Variants in KCNIP4 observed in about 807,000 individuals in gnomAD.
The protein encoded by KCNIP4 is potassium voltage-gated channel interacting protein 4, also known as Kv channel-interacting protein 4.
A neutral mutation model predicts 34.0 loss-of-function variants in KCNIP4; 12 were observed. The observed-to-expected ratio is 0.35, with a 90% CI of 0.23 to 0.57. The LOEUF is 0.57. KCNIP4 is among the 20% of genes least tolerant of loss of function. The pLI, the probability that KCNIP4 is intolerant of heterozygous loss-of-function variation, is 0.83. For synonymous variants in KCNIP4, 124 were observed against 102.2 expected, an observed-to-expected ratio of 1.21 and a Z score of -1.29; for missense variants, 238 against 311.7, an observed-to-expected ratio of 0.76 and a Z score of 1.78.
chr4:20,735,752 G>A (rs1006247492), intron 5 of KCNIP4, among the ~76,000 whole-genome samples: 13 of 152,050 alleles, frequency 8.5e-5, no homozygotes, highest in Non-Finnish European at 1.6e-4. Context: ...GGCCAGGTTG[G>A]TGTCGAACTC....
At chr4:21,195,969 A>C (rs1756028018) in intron 1 of KCNIP4, among the ~76,000 whole-genome samples, 1 of 152,120 alleles carries the variant, frequency 6.6e-6, no homozygotes. Flanking sequence ...GATTTGGGCA[A>C]CTCAAGTTTC....
chr4:21,314,804 T>C (rs1048298105), intron 1 of KCNIP4, among the ~76,000 whole-genome samples: 2 of 152,218 alleles, frequency 1.3e-5, no homozygotes, highest in African/African-American at 2.4e-5. Flanking sequence ...CACTGAAATA[T>C]ATAAGGCAGA....
intron 3 of KCNIP4, among the ~76,000 whole-genome samples, chr4:20,821,473 T>C (rs1717096023): frequency 6.6e-6 from 1 of 152,198 alleles, no homozygotes. Flanking sequence ...CAGGAGACTC[T>C]GGACATTATT....
chr4:21,436,072 C>A (rs78065274), intron 1 of KCNIP4, among the ~76,000 whole-genome samples: 1 of 152,104 alleles, frequency 6.6e-6, no homozygotes, highest in Non-Finnish European at 1.5e-5. Flanking sequence ...GTCATTTAGA[C>A]GGCACATTTC....
intron 1 of KCNIP4, among the ~76,000 whole-genome samples, chr4:21,214,506 T>C (rs1405910569): frequency 6.6e-6 from 1 of 152,250 alleles, no homozygotes; most frequent in African/African-American, 2.4e-5. Flanking sequence ...TACTGTTAAA[T>C]GATGAATGTT....
chr4:21,771,813 C>G (rs1244745027), intron 1 of KCNIP4, among the ~76,000 whole-genome samples: 1 of 152,064 alleles, frequency 6.6e-6, no homozygotes, highest in Non-Finnish European at 1.5e-5. Flanking sequence ...CTTATCAGCT[C>G]AAGAAGTTTT....
At chr4:21,653,335 T>C (rs1052897807) in intron 1 of KCNIP4, among the ~76,000 whole-genome samples, 2 of 152,152 alleles carry the variant, frequency 1.3e-5, no homozygotes, top group African/African-American at 4.8e-5. Flanking sequence ...ATCTGCAAAA[T>C]TGGTGCAACA....
chr4:21,796,940 T>C (rs10516402), intron 1 of KCNIP4, among the ~76,000 whole-genome samples: 52,632 of 152,054 alleles, frequency 0.35, 10,798 homozygotes, highest in Non-Finnish European at 0.48. Flanking sequence ...CCCTTTATAT[T>C]GAACGCTTCT....
chr4:21,629,406 A>G (rs1745555792), intron 1 of KCNIP4, among the ~76,000 whole-genome samples: 1 of 152,200 alleles, frequency 6.6e-6, no homozygotes, highest in Non-Finnish European at 1.5e-5. Context: ...GGAAGCAATA[A>G]TACTAACTAC....
At chr4:21,789,420 C>T (rs753102368) in intron 1 of KCNIP4, among the ~76,000 whole-genome samples, 36 of 152,138 alleles carry the variant, frequency 2.4e-4, no homozygotes, top group Admixed American at 1.3e-4. Context: ...TCTGCAAAAC[C>T]ACCACTAGAT....
chr4:21,347,682 G>A (rs979739672), intron 1 of KCNIP4, among the ~76,000 whole-genome samples: 1 of 152,170 alleles, frequency 6.6e-6, no homozygotes, highest in Non-Finnish European at 1.5e-5. Flanking sequence ...TACATATAAA[G>A]CATGGAGTAT....
At chr4:20,783,828 T>C (rs1355272731) in intron 3 of KCNIP4, among the ~76,000 whole-genome samples, 1 of 152,222 alleles carries the variant, frequency 6.6e-6, no homozygotes, top group Non-Finnish European at 1.5e-5. Context: ...TTTTATATTA[T>C]CTAGTAATTA....
chr4:21,919,880 G>C (rs1350763946), intron 1 of KCNIP4, among the ~76,000 whole-genome samples: 2 of 152,134 alleles, frequency 1.3e-5, no homozygotes, highest in Non-Finnish European at 2.9e-5. Flanking sequence ...AGAGAATCTG[G>C]ATCAGATTTC....
intron 1 of KCNIP4, among the ~76,000 whole-genome samples, chr4:21,911,288 T>C (rs370785930): frequency 6.6e-6 from 1 of 152,170 alleles, no homozygotes; most frequent in Admixed American, 6.6e-5. Flanking sequence ...TTAGACAAGA[T>C]ACAAGTTTTC....
intron 1 of KCNIP4, among the ~76,000 whole-genome samples, chr4:21,235,400 C>T (rs974317032): frequency 5.3e-5 from 8 of 152,122 alleles, no homozygotes; most frequent in African/African-American, 1.9e-4. Context: ...GTTACCTCAG[C>T]CTTCTTCCCT....
At chr4:20,826,625 C>T (rs1560494742) in intron 3 of KCNIP4, among the ~76,000 whole-genome samples, 2 of 149,294 alleles carry the variant, frequency 1.3e-5, no homozygotes. Context: ...AACAAAAATA[C>T]AAAAGAGAGA....
At chr4:20,899,242 A>G (rs989023906) in intron 1 of KCNIP4, among the ~76,000 whole-genome samples, 1 of 152,220 alleles carries the variant, frequency 6.6e-6, no homozygotes, top group Non-Finnish European at 1.5e-5. Flanking sequence ...TATCAGCATA[A>G]CAGAAAAATC....
chr4:21,369,211 G>A lies in KCNIP4; in HGVS notation c.62-486502C>T, dbSNP rs897534362. On this transcript the variant is annotated intron_variant, in intron 1 of 8. Coordinates refer to ENST00000382152, the MANE Select transcript of KCNIP4 (RefSeq NM_025221.6). Reference sequence around the variant, plus strand: ...TTACGTTTATAGACTTCTAGGCACAGTATCTGGTACAAAATTAACACTAAA... The same window carrying A: ...TTACGTTTATAGACTTCTAGGCACAATATCTGGTACAAAATTAACACTAAA... Among the ~76,000 whole-genome samples the A allele has an allele frequency of 2.7e-4, 40 of 147,390 alleles. 3 individuals carry two copies. The highest frequency in any genetic ancestry group is 2.4e-3 in the Admixed American group (36 of 15,198).
intron 2 of KCNIP4, among the ~76,000 whole-genome samples, chr4:20,853,843 TG>T (rs1457006693): frequency 6.6e-6 from 1 of 151,954 alleles, no homozygotes; most frequent in Non-Finnish European, 1.5e-5. Flanking sequence ...AAGACATGAA[TG>T]GACAATTCTC....
Sources: allele counts gnomAD v4.1 joint callset (sites outside exome capture counted in the v4.1 genomes callset), GRCh38; gene constraint gnomAD v4.1.1; transcripts MANE v1.5; gene names NCBI Gene and HGNC (gene_info 2026-07-23, HGNC 2026-07-21).